Variants in MAST4 observed in about 807,000 individuals in gnomAD.
MAST4 encodes microtubule-associated serine/threonine-protein kinase 4.
A neutral mutation model predicts 162.7 loss-of-function variants in MAST4; 89 were observed. The ratio of observed to expected loss-of-function variants is 0.55; its 90% confidence interval spans 0.46 to 0.65. The LOEUF is 0.65. Ranked by LOEUF, MAST4 falls within the 30% of genes least tolerant of loss-of-function variation. MAST4 has a pLI of 0.00. For synonymous variants in MAST4, 1,479 were observed against 1,361.1 expected (o/e 1.09, Z -1.91); for missense variants, 3,153 against 3,374.0 (o/e 0.93, Z 1.62).
At chr5:67,054,515 G>C (rs1561584024) in intron 5 of MAST4, 23 bp downstream of exon 5, 1 of 1,565,088 alleles carries the variant, frequency 6.4e-7, no homozygotes. Context: ...CATTTCTTGA[G>C]TTTTGTTTTA....
rs530733472 is a variant in MAST4, at chr5:67,162,934, A to G, written c.3967+146A>G. ...GACAGATTTATAGAGAGGTCATAAG[A>G]TGTGGCTATTCTGACCAAACAAATA... is the stretch of plus-strand genomic sequence containing the variant. On this transcript the variant is annotated intron_variant, in intron 28 of 28. Coordinates refer to ENST00000403625, the MANE Select transcript of MAST4 (RefSeq NM_001164664.2). 3.3e-4 allele frequency: 340 copies of G among 1,020,120 alleles called. 1 individual carries two copies. The African/African-American group carries it at 5.0e-3, about 15-fold the overall frequency. 63.2% of individuals were successfully genotyped at this position (1,020,120 alleles called of 1,614,324 possible). A position where few individuals can be genotyped will look rare whatever the true frequency, so the allele number is the denominator to read the frequency against.
intron 5 of MAST4, among the ~76,000 whole-genome samples, chr5:67,088,354 A>G (rs761425576): frequency 6.6e-6 from 1 of 152,210 alleles, no homozygotes; most frequent in African/African-American, 2.4e-5. Context: ...GGCTTCAGAT[A>G]ATCAGTTATT....
intron 4 of MAST4, chr5:66,959,235 A>G (rs772318815): frequency 2.6e-6 from 2 of 779,716 alleles, no homozygotes; most frequent in Non-Finnish European, 4.8e-6. Flanking sequence ...GAGTGTGCTA[A>G]CATATAACAA....
At chr5:66,946,087 G>A (rs1743999322) in intron 4 of MAST4, among the ~76,000 whole-genome samples, 1 of 152,038 alleles carries the variant, frequency 6.6e-6, no homozygotes, top group African/African-American at 2.4e-5. Context: ...GGAGAAACAT[G>A]AACAATTCCC....
rs541262455 is a variant in MAST4 at position 66,966,984 on chromosome 5, G to T, written c.674+67002G>T. 4.6e-5 allele frequency among the ~76,000 whole-genome samples: 7 copies of T among 152,298 alleles called. No homozygotes were observed. In the South Asian group the frequency reaches 1.5e-3, roughly 32 times the overall value. On this transcript the variant is annotated intron_variant, in intron 4 of 28. Transcript: ENST00000403625. ...TATCTGGTTGGCAGCTTGGAATTGGGTATCCCTGATAGTGTGCCCCAAAAT... is the reference window on the plus strand; with the variant it reads ...TATCTGGTTGGCAGCTTGGAATTGGTTATCCCTGATAGTGTGCCCCAAAAT...
intron 3 of MAST4, among the ~76,000 whole-genome samples, chr5:66,804,581 C>T (rs1756088697): frequency 6.6e-6 from 1 of 152,200 alleles, no homozygotes; most frequent in African/African-American, 2.4e-5. Context: ...CCAAAGTAAG[C>T]CACATGATTA....
intron 3 of MAST4, among the ~76,000 whole-genome samples, chr5:66,835,015 AG>A (rs1246995835): frequency 1.3e-5 from 2 of 152,166 alleles, no homozygotes; most frequent in Non-Finnish European, 2.9e-5. Flanking sequence ...GCCCTACAGC[AG>A]GTGCTATCAC....
At chr5:66,661,402 G>T (rs141489178) in intron 1 of MAST4, among the ~76,000 whole-genome samples, 2 of 152,198 alleles carry the variant, frequency 1.3e-5, no homozygotes, top group African/African-American at 4.8e-5. Context: ...CTAAAAGCCC[G>T]TCTGGCCACT....
chr5:66,900,008 G>T (rs746336189), intron 4 of MAST4, 26 bp downstream of exon 4: 2 of 1,463,650 alleles, frequency 1.4e-6, no homozygotes, highest in South Asian at 2.8e-5. Flanking sequence ...TTGTTTCCTT[G>T]TTTTCTTTTT....
chr5:66,810,617 T>G (rs2149713289), intron 3 of MAST4, among the ~76,000 whole-genome samples: 1 of 152,302 alleles, frequency 6.6e-6, no homozygotes, highest in Admixed American at 6.5e-5. Context: ...AAAGCATGAA[T>G]AGGAGTGCCA....
At chr5:66,912,687 A>C (rs999822411) in intron 4 of MAST4, among the ~76,000 whole-genome samples, 4 of 152,144 alleles carry the variant, frequency 2.6e-5, no homozygotes, top group Admixed American at 1.3e-4. Flanking sequence ...CATATTACTT[A>C]ATTATTATCT....
At chr5:66,775,031 GTGTGTA>G (rs765891521) in intron 2 of MAST4, among the ~76,000 whole-genome samples, 13,089 of 137,204 alleles carry the variant, frequency 0.095, 594 homozygotes, top group East Asian at 0.17. Flanking sequence ...GTGTGTGTGT[GTGTGTA>G]TGTGTGTGTT....
intron 4 of MAST4, among the ~76,000 whole-genome samples, chr5:66,994,879 G>GT (rs146643810): frequency 5.7e-4 from 86 of 152,092 alleles, no homozygotes; most frequent in African/African-American, 1.9e-3. Flanking sequence ...AAGAGTTCAT[G>GT]TTTTTTTTGA....
chr5:66,752,081 G>C (rs1359266545), intron 1 of MAST4, among the ~76,000 whole-genome samples: 3 of 152,158 alleles, frequency 2.0e-5, no homozygotes, highest in Non-Finnish European at 4.4e-5. Context: ...ATCCTTTACA[G>C]ACAAGCAAAT....
At chr5:67,146,965 C>G (rs980560615) in intron 23 of MAST4, among the ~76,000 whole-genome samples, 1 of 151,890 alleles carries the variant, frequency 6.6e-6, no homozygotes, top group African/African-American at 2.4e-5. Context: ...AGTATATTCA[C>G]CTCCATTTAA....
chr5:66,766,425 T>C (rs1423827388), intron 2 of MAST4, among the ~76,000 whole-genome samples: 1 of 152,210 alleles, frequency 6.6e-6, no homozygotes, highest in Non-Finnish European at 1.5e-5. Flanking sequence ...TGACGTTCTA[T>C]CTTGGGAAGA....
chr5:66,895,337 A>G (rs1238553910), intron 3 of MAST4, among the ~76,000 whole-genome samples: 1 of 152,024 alleles, frequency 6.6e-6, no homozygotes, highest in South Asian at 2.1e-4. Context: ...TCCTTTTTCT[A>G]TCACTTATCT....
At chr5:66,742,211 C>T (rs531740845) in intron 1 of MAST4, among the ~76,000 whole-genome samples, 2 of 152,134 alleles carry the variant, frequency 1.3e-5, no homozygotes, top group South Asian at 2.1e-4. Context: ...AGATGCTGAC[C>T]GTACAGTTGC....
At chr5:66,892,220 A>C (rs1762407106) in intron 3 of MAST4, among the ~76,000 whole-genome samples, 1 of 152,246 alleles carries the variant, frequency 6.6e-6, no homozygotes, top group Non-Finnish European at 1.5e-5. Flanking sequence ...GATTGAAGGT[A>C]GTATCAGTTC....
Sources: allele counts gnomAD v4.1 joint callset (sites outside exome capture counted in the v4.1 genomes callset), GRCh38; gene constraint gnomAD v4.1.1; transcripts MANE v1.5; gene names NCBI Gene and HGNC (gene_info 2026-07-23, HGNC 2026-07-21).